The following CAST variants were observed in gnomAD, a reference collection of about 807,000 sequenced individuals.
CAST encodes MIR583 host.
Under a neutral mutation model 119.6 loss-of-function variants are expected in CAST, and 76 were observed. That is an observed-to-expected ratio of 0.64 (90% confidence interval 0.53 to 0.77). The LOEUF is 0.77. CAST is among the 30% of genes least tolerant of loss of function. The probability of loss-of-function intolerance (pLI) is 0.00; values close to 1 mark genes in which losing one functional copy is unlikely to be tolerated. For missense variants in CAST, 953 were observed against 946.5 expected (o/e 1.01, Z -0.09); for synonymous variants, 319 against 331.6 (o/e 0.96, Z 0.41).
At chr5:96,196,726 A>T in the CAST span, among the ~76,000 whole-genome samples, 1 of 152,246 alleles carries the variant, frequency 6.6e-6, no homozygotes, top group Non-Finnish European at 1.5e-5. Flanking sequence ...CAAGGGCCAG[A>T]TAACGCAGGG....
At chr5:96,309,175 G>A in the CAST span, among the ~76,000 whole-genome samples, 2 of 152,032 alleles carry the variant, frequency 1.3e-5, no homozygotes. Flanking sequence ...GGAGTATAGA[G>A]AGACAGTCTG....
chr5:96,691,235 C>T (rs961415707), intron 2 of CAST, among the ~76,000 whole-genome samples: 1 of 152,076 alleles, frequency 6.6e-6, no homozygotes, highest in Non-Finnish European at 1.5e-5. Context: ...TTGAGTGAAA[C>T]GCCCTTATTC....
At chr5:96,018,591 C>T in the CAST span, among the ~76,000 whole-genome samples, 1 of 152,168 alleles carries the variant, frequency 6.6e-6, no homozygotes, top group Non-Finnish European at 1.5e-5. Context: ...TGACTGTGAG[C>T]AAAGTTGCCT....
the CAST span, among the ~76,000 whole-genome samples, chr5:96,389,564 C>G: frequency 1.3e-5 from 2 of 152,104 alleles, no homozygotes; most frequent in South Asian, 4.1e-4. Context: ...AGGTCAGATT[C>G]TGAGATGGTG....
chr5:96,662,333 C>CA, upstream of CAST: 1 of 1,134,168 alleles, frequency 8.8e-7, no homozygotes, highest in Admixed American at 4.3e-5. Flanking sequence ...CCCTCCCTCC[C>CA]TCCCTCTCTC....
the CAST span, among the ~76,000 whole-genome samples, chr5:95,985,781 A>G: frequency 6.6e-6 from 1 of 152,104 alleles, no homozygotes; most frequent in Non-Finnish European, 1.5e-5. Context: ...TTATTTTTAA[A>G]CCTTGGGCAC....
chr5:96,196,958 T>TG, the CAST span, among the ~76,000 whole-genome samples: 1 of 152,180 alleles, frequency 6.6e-6, no homozygotes, highest in Admixed American at 6.5e-5. Flanking sequence ...ACTGAAGGAA[T>TG]GATATGAAAA....
the CAST span, chr5:96,411,106 A>G: frequency 1.2e-6 from 1 of 800,914 alleles, no homozygotes; most frequent in Non-Finnish European, 2.2e-6. Flanking sequence ...TTTGGGATCT[A>G]TTTTCAATTC....
the CAST span, among the ~76,000 whole-genome samples, chr5:96,326,899 G>C: frequency 6.6e-6 from 1 of 152,028 alleles, no homozygotes; most frequent in Non-Finnish European, 1.5e-5. Flanking sequence ...GGGCCAATTT[G>C]TTACTTAACC....
At chr5:96,559,007 C>G (rs544843731) in intron 1 of CAST, among the ~76,000 whole-genome samples, 2 of 152,118 alleles carry the variant, frequency 1.3e-5, no homozygotes, top group Non-Finnish European at 2.9e-5. Flanking sequence ...AGCTTATCCA[C>G]CATAATCAAG....
chr5:96,419,414 C>CCTCTCT, the CAST span, among the ~76,000 whole-genome samples: 1 of 129,126 alleles, frequency 7.7e-6, no homozygotes, highest in African/African-American at 3.1e-5. Flanking sequence ...TCACTTAATA[C>CCTCTCT]CTCTCTCTCT....
chr5:96,294,124 T>C, the CAST span, among the ~76,000 whole-genome samples: 27 of 152,330 alleles, frequency 1.8e-4, no homozygotes, highest in Non-Finnish European at 3.1e-4. Context: ...CAACTCATTT[T>C]TGACTCAATG....
chr5:96,507,105 G>A, the CAST span, among the ~76,000 whole-genome samples: 1 of 152,122 alleles, frequency 6.6e-6, no homozygotes. Context: ...GAGCCCTCGG[G>A]GAGGATGACA....
chr5:96,300,385 C>T, the CAST span, among the ~76,000 whole-genome samples: 45 of 152,246 alleles, frequency 3.0e-4, no homozygotes, highest in Non-Finnish European at 2.9e-4. Context: ...ATCCTTATCA[C>T]CTTCGTTGAA....
intron 1 of CAST, among the ~76,000 whole-genome samples, chr5:96,534,775 AAG>A (rs1561408995): frequency 7.5e-6 from 1 of 133,960 alleles, no homozygotes; most frequent in Non-Finnish European, 1.6e-5. Flanking sequence ...GAAAGAAAGA[AAG>A]AAAGAAAGAA....
At chr5:96,401,430 C>T in the CAST span, among the ~76,000 whole-genome samples, 297 of 152,302 alleles carry the variant, frequency 2.0e-3, no homozygotes, top group African/African-American at 6.9e-3. Context: ...GCGATGAGAA[C>T]CTGGCATGCC....
At chr5:96,250,506 C>T in the CAST span, among the ~76,000 whole-genome samples, 1 of 152,126 alleles carries the variant, frequency 6.6e-6, no homozygotes, top group Non-Finnish European at 1.5e-5. Flanking sequence ...CCTGAGTCTG[C>T]CTCCCTGTTA....
At chr5:96,376,994 T>A in the CAST span, among the ~76,000 whole-genome samples, 11 of 152,070 alleles carry the variant, frequency 7.2e-5, no homozygotes, top group African/African-American at 2.4e-4. Context: ...TGTGTACTAT[T>A]TTTTAAGAAG....
chr5:96,302,075 G>T, the CAST span, among the ~76,000 whole-genome samples: 2 of 152,280 alleles, frequency 1.3e-5, no homozygotes, highest in Non-Finnish European at 2.9e-5. Context: ...TGAAATCTAG[G>T]TGGAGGATCC....
Sources: allele counts gnomAD v4.1 joint callset (sites outside exome capture counted in the v4.1 genomes callset), GRCh38; gene constraint gnomAD v4.1.1; transcripts MANE v1.5; gene names NCBI Gene and HGNC (gene_info 2026-07-23, HGNC 2026-07-21).